FUNDC2: variants seen among roughly 807,000 people sequenced by gnomAD.
FUNDC2 encodes FUN14 domain containing 2.
A neutral mutation model predicts 15.6 loss-of-function variants in FUNDC2; 4 were observed. That is an observed-to-expected ratio of 0.26 (90% confidence interval 0.13 to 0.59). The LOEUF is 0.59. FUNDC2 is among the 20% of genes least tolerant of loss of function. The pLI, the probability that FUNDC2 is intolerant of heterozygous loss-of-function variation, is 0.90. For missense variants in FUNDC2, 98 were observed against 149.7 expected, an observed-to-expected ratio of 0.65 and a Z score of 1.80; for synonymous variants, 44 against 56.9, an observed-to-expected ratio of 0.77 and a Z score of 1.02.
At chrX:155,041,035 AT>A (rs1274252629) in intron 2 of FUNDC2, among the ~76,000 whole-genome samples, 1 of 111,983 alleles carries the variant, frequency 8.9e-6, no homozygotes, top group Non-Finnish European at 1.9e-5. Context: ...TTTATTTTTA[AT>A]TTTGATGAGG....
chrX:155,052,755 C>A (rs993066432), intron 4 of FUNDC2, among the ~76,000 whole-genome samples: 2 of 112,350 alleles, frequency 1.8e-5, no homozygotes, highest in Non-Finnish European at 1.9e-5. Flanking sequence ...GATAGTTTCT[C>A]TTTCCTTTCT....
intron 2 of FUNDC2, among the ~76,000 whole-genome samples, chrX:155,034,848 T>C (rs781942238): frequency 4.5e-4 from 50 of 111,997 alleles, no homozygotes; most frequent in Non-Finnish European, 8.3e-4. Context: ...GTATGTTTGT[T>C]GACCATTTGG....
intron 3 of FUNDC2, 52 bp from the exon 4 acceptor site, chrX:155,051,618 A>G: frequency 8.5e-7 from 1 of 1,179,841 alleles, no homozygotes; most frequent in Non-Finnish European, 1.1e-6. Context: ...TGACTAAAAG[A>G]AATAACAAAT....
chrX:155,043,397 AT>A (rs1374222299), intron 2 of FUNDC2, among the ~76,000 whole-genome samples: 1 of 109,529 alleles, frequency 9.1e-6, no homozygotes. Context: ...CTTTTAGTTT[AT>A]TTTTTTTTGA....
intron 3 of FUNDC2, chrX:155,047,479 C>G (rs782460476): frequency 8.9e-6 from 3 of 337,402 alleles, no homozygotes; most frequent in East Asian, 9.8e-5. Flanking sequence ...AAGCTGGTAA[C>G]TGGCTGTAGC....
chrX:155,035,353 G>C (rs2073827580), intron 2 of FUNDC2, among the ~76,000 whole-genome samples: 1 of 111,318 alleles, frequency 9.0e-6, no homozygotes, highest in Non-Finnish European at 1.9e-5. Flanking sequence ...TTGTTCTTTA[G>C]GAACATCTTG....
chrX:155,050,533 C>A (rs1212083286), intron 3 of FUNDC2: 1 of 112,043 alleles, frequency 8.9e-6, no homozygotes, highest in Non-Finnish European at 1.9e-5. Flanking sequence ...CTTTTAGATA[C>A]AAATGTTGAT....
chrX:155,048,507 G>A (rs1178693616), intron 3 of FUNDC2, among the ~76,000 whole-genome samples: 1 of 112,034 alleles, frequency 8.9e-6, no homozygotes, highest in Non-Finnish European at 1.9e-5. Context: ...GTCAACTTTC[G>A]ATCTTTATGA....
intron 2 of FUNDC2, among the ~76,000 whole-genome samples, chrX:155,041,333 A>G (rs1391535052): frequency 8.9e-6 from 1 of 112,036 alleles, no homozygotes; most frequent in Non-Finnish European, 1.9e-5. Context: ...ATGTAAATTC[A>G]TAATACATTC....
At position 155,051,669 on chromosome X, in the gene FUNDC2, G is replaced by C; in HGVS notation, c.361-1G>C. The C allele has an allele frequency of 8.3e-7, 1 of 1,209,766 alleles. No homozygotes were observed. Among genetic ancestry groups the C allele is most frequent in the Non-Finnish European group, 1.1e-6 (1 of 893,898 alleles). On this transcript the variant is annotated splice_acceptor_variant, in intron 3 of 4. Transcript: ENST00000369498. LOFTEE classifies it high-confidence loss of function. The stretch of plus-strand genomic sequence containing the variant: ...TGTTGTCATTATTGTTGATACTGTA[G>C]CTTGCAAACCATACTGGGTACATCA...
Position 155,027,090 on chromosome X carries a change from G to C in FUNDC2, c.133+19G>C. On this transcript the variant is annotated intron_variant, in intron 1 of 4. Coordinates refer to ENST00000369498, the MANE Select transcript of FUNDC2 (RefSeq NM_023934.4). ...AGTCAAGGTAAGGGCGGGCGCGCGC[G>C]CGGCCGGCGCCGCGGGGAGCCGCCT... 1.8e-6 allele frequency: 2 copies of C among 1,110,010 alleles called. No homozygotes were observed. Among genetic ancestry groups the C allele is most frequent in the Non-Finnish European group, 2.4e-6 (2 of 844,134 alleles). The allele number at this position is 1,110,010 out of a possible 1,213,427, so 91.5% of individuals were successfully genotyped here.
At chrX:155,027,537 C>T (rs1304181290) in intron 1 of FUNDC2, among the ~76,000 whole-genome samples, 1 of 112,139 alleles carries the variant, frequency 8.9e-6, no homozygotes, top group Non-Finnish European at 1.9e-5. Flanking sequence ...TCAAAGATTC[C>T]GTGTAATTCG....
At chrX:155,054,381 C>A in intron 4 of FUNDC2, 9 of 748,726 alleles carry the variant, frequency 1.2e-5, no homozygotes, top group Non-Finnish European at 1.4e-5. Context: ...TTATTCTCCC[C>A]ACACCAGCCA....
At position 155,056,978 on chromosome X, in the gene FUNDC2, AGCTG is replaced by A. The variant is rs1192243402; in HGVS notation, c.*2311_*2314del. The A allele has an allele frequency of 1.8e-5, 2 of 110,146 alleles. No homozygotes were observed. The highest frequency in any genetic ancestry group is 6.6e-5 in the African/African-American group (2 of 30,156). The allele number at this position is 110,146 out of a possible 1,213,427, so 9.1% of individuals were successfully genotyped here. On this transcript the variant is annotated 3_prime_UTR_variant, in exon 5 of 5. Transcript: ENST00000369498. ...TAGGTCCCTCCTGAAGTTTTTTCCC[AGCTG>A]GCTGCCTCTACGACTGTGAGGGTCA...
chrX:155,036,498 A>G (rs2073831043), intron 2 of FUNDC2, among the ~76,000 whole-genome samples: 2 of 111,986 alleles, frequency 1.8e-5, no homozygotes, highest in Non-Finnish European at 3.8e-5. Flanking sequence ...AGAAGTTCTT[A>G]ATCTTGAAGT....
intron 2 of FUNDC2, among the ~76,000 whole-genome samples, chrX:155,043,548 A>C (rs1405759185): frequency 8.9e-6 from 1 of 112,205 alleles, no homozygotes; most frequent in Admixed American, 9.4e-5. Context: ...GTTACTTAGA[A>C]ATCACTTGAT....
intron 2 of FUNDC2, among the ~76,000 whole-genome samples, chrX:155,044,191 C>T (rs5945279): frequency 0.24 from 26,996 of 111,003 alleles, 2,384 homozygotes; most frequent in South Asian, 0.38. Context: ...TGCGGTTTGT[C>T]GACCCCTGTT....
At chrX:155,054,021 A>G in intron 4 of FUNDC2, 1 of 753,134 alleles carries the variant, frequency 1.3e-6, no homozygotes, top group Non-Finnish European at 1.6e-6. Flanking sequence ...AGCTTTGGGA[A>G]CTTAAGGAAA....
At chrX:155,027,153 A>G in intron 1 of FUNDC2, 82 bp downstream of exon 1, 1 of 974,114 alleles carries the variant, frequency 1.0e-6, no homozygotes, top group South Asian at 3.0e-5. Flanking sequence ...CGCGCCCGCC[A>G]GTCGCGACCG....
Sources: gnomAD v4.1 joint callset for allele counts (sites outside exome capture counted in the v4.1 genomes callset) on GRCh38, gnomAD v4.1.1 for gene constraint, MANE v1.5 for transcripts, NCBI Gene and HGNC (gene_info 2026-07-23, HGNC 2026-07-21) for gene names.